Variants in ZNF385D observed in about 807,000 individuals in gnomAD.
The protein encoded by ZNF385D is zinc finger protein 659.
Under a neutral mutation model 35.8 loss-of-function variants are expected in ZNF385D, and 15 were observed. That is an observed-to-expected ratio of 0.42 (90% CI 0.28 to 0.64). The LOEUF is 0.64. Ranked by LOEUF, ZNF385D falls within the 30% of genes least tolerant of loss-of-function variation. The probability of loss-of-function intolerance (pLI) is 0.23; values close to 1 mark genes in which losing one functional copy is unlikely to be tolerated. For synonymous variants in ZNF385D, 212 were observed against 186.8 expected, an observed-to-expected ratio of 1.13 and a Z score of -1.10; for missense variants, 474 against 494.6, an observed-to-expected ratio of 0.96 and a Z score of 0.39.
At chr3:21,737,496 TAAGA>T (rs1329692958) in intron 1 of ZNF385D, among the ~76,000 whole-genome samples, 1 of 150,288 alleles carries the variant, frequency 6.7e-6, no homozygotes, top group African/African-American at 2.5e-5. Flanking sequence ...CACATACACA[TAAGA>T]TAGATAGATA....
At chr3:21,792,245 C>T (rs2071961425) in intron 3 of ZNF385D, among the ~76,000 whole-genome samples, 1 of 152,134 alleles carries the variant, frequency 6.6e-6, no homozygotes, top group South Asian at 2.1e-4. Context: ...ATGACAAAGA[C>T]ATGCTGTTCT....
intron 3 of ZNF385D, among the ~76,000 whole-genome samples, chr3:21,531,425 A>T (rs1365806659): frequency 6.6e-6 from 1 of 152,212 alleles, no homozygotes; most frequent in African/African-American, 2.4e-5. Context: ...AACGAGGTAC[A>T]AACTTATGTC....
intron 1 of ZNF385D, among the ~76,000 whole-genome samples, chr3:21,671,169 T>C (rs908285419): frequency 1.3e-5 from 2 of 152,122 alleles, no homozygotes; most frequent in African/African-American, 4.8e-5. Flanking sequence ...TCTTTCAGCA[T>C]AAATTCCTGT....
In ZNF385D at chr3:22,074,752, A is replaced by G. The variant is rs146558561; in HGVS notation, c.325+94065T>C. Among the ~76,000 whole-genome samples, 50 of 152,030 alleles carry G rather than the reference A, an allele frequency of 3.3e-4. No individual in the cohort carries two copies. In the East Asian group the frequency reaches 8.9e-3, roughly 27 times the overall value. On this transcript the variant is annotated intron_variant, in intron 3 of 5. Transcript: ENST00000494108. ...ACCCTGGTCTTCCCGACACTGTTCA[A>G]TCTTACTTGTTCCATCATCACTTTC...
intron 4 of ZNF385D, among the ~76,000 whole-genome samples, chr3:21,487,116 C>T (rs947694672): frequency 2.6e-5 from 4 of 152,054 alleles, no homozygotes; most frequent in Non-Finnish European, 2.9e-5. Context: ...TATACTTTCA[C>T]GCCATTAGAA....
intron 2 of ZNF385D, among the ~76,000 whole-genome samples, chr3:22,360,624 G>C (rs910739165): frequency 1.3e-5 from 2 of 151,948 alleles, no homozygotes; most frequent in Non-Finnish European, 1.5e-5. Context: ...GTAATGACAT[G>C]AAGTCTTAAG....
At chr3:21,862,736 C>A (rs1425320406) in intron 3 of ZNF385D, among the ~76,000 whole-genome samples, 1 of 152,138 alleles carries the variant, frequency 6.6e-6, no homozygotes, top group East Asian at 1.9e-4. Context: ...CCCAAGGGCT[C>A]CTTATAGAAG....
intron 3 of ZNF385D, among the ~76,000 whole-genome samples, chr3:21,548,358 A>G (rs1183254336): frequency 6.6e-6 from 1 of 152,170 alleles, no homozygotes. Flanking sequence ...ATTGATATCT[A>G]AGATTTTTAG....
At position 21,987,956 on chromosome 3, in the gene ZNF385D, T is replaced by G. The variant is rs71312009; in HGVS notation, c.325+180861A>C. Among the ~76,000 whole-genome samples, 222 of 144,712 alleles carry G rather than the reference T, an allele frequency of 1.5e-3. 6 individuals carry two copies. Among genetic ancestry groups the G allele is most frequent in the African/African-American group, 5.4e-3 (219 of 40,730 alleles). The allele number at this position is 144,712 out of a possible 152,430, so 94.9% of individuals were successfully genotyped here. On this transcript the variant is annotated intron_variant, in intron 3 of 5. Transcript: ENST00000494108. The stretch of plus-strand genomic sequence containing the variant: ...GCTGATACCCTTTCTTCCAGTTGAT[T>G]GCATTGGCTCCTGAAGCTTCTGCAT...
At chr3:21,636,997 T>C (rs1052982025) in intron 2 of ZNF385D, among the ~76,000 whole-genome samples, 2 of 152,130 alleles carry the variant, frequency 1.3e-5, no homozygotes, top group African/African-American at 4.8e-5. Context: ...TTCTGGATAT[T>C]AGTCCTTTGT....
intron 3 of ZNF385D, among the ~76,000 whole-genome samples, chr3:22,062,736 G>T (rs1393766192): frequency 2.6e-5 from 4 of 152,130 alleles, no homozygotes; most frequent in Admixed American, 2.6e-4. Context: ...TGTGGGAGTT[G>T]GTCATAAAAG....
chr3:22,075,732 C>G (rs1296003696), intron 3 of ZNF385D, among the ~76,000 whole-genome samples: 1 of 151,816 alleles, frequency 6.6e-6, no homozygotes, highest in Non-Finnish European at 1.5e-5. Context: ...CTACAAAAAC[C>G]CTCTCACATC....
At chr3:22,198,240 A>G (rs1325470836) in intron 2 of ZNF385D, among the ~76,000 whole-genome samples, 2 of 152,072 alleles carry the variant, frequency 1.3e-5, no homozygotes, top group Admixed American at 1.3e-4. Context: ...AAAACTTAAG[A>G]TTAAGTTTAA....
chr3:21,701,257 T>A (rs2067671904), intron 1 of ZNF385D, among the ~76,000 whole-genome samples: 1 of 151,820 alleles, frequency 6.6e-6, no homozygotes, highest in African/African-American at 2.4e-5. Context: ...CTCAGAATCA[T>A]GGCAGGAGGC....
chr3:22,304,285 G>T (rs1156411606), intron 2 of ZNF385D, among the ~76,000 whole-genome samples: 1 of 152,052 alleles, frequency 6.6e-6, no homozygotes, highest in African/African-American at 2.4e-5. Flanking sequence ...TACACTTTAT[G>T]ATTTAATAGA....
chr3:21,978,701 G>C (rs1694202371), intron 3 of ZNF385D, among the ~76,000 whole-genome samples: 1 of 152,030 alleles, frequency 6.6e-6, no homozygotes, highest in East Asian at 1.9e-4. Flanking sequence ...ATAGCTCATT[G>C]TAAATTTAAT....
At chr3:21,813,251 C>G (rs562863409) in intron 3 of ZNF385D, among the ~76,000 whole-genome samples, 2 of 152,164 alleles carry the variant, frequency 1.3e-5, no homozygotes, top group Non-Finnish European at 2.9e-5. Context: ...GAGAAACCAG[C>G]ACAGAAAAGC....
At chr3:21,805,093 G>A (rs1480282541) in intron 3 of ZNF385D, among the ~76,000 whole-genome samples, 1 of 152,192 alleles carries the variant, frequency 6.6e-6, no homozygotes, top group African/African-American at 2.4e-5. Context: ...TAAGGAAAGT[G>A]ACTCTAATTA....
intron 3 of ZNF385D, among the ~76,000 whole-genome samples, chr3:21,962,900 AAT>A (rs1434318344): frequency 6.6e-6 from 1 of 152,328 alleles, no homozygotes; most frequent in African/African-American, 2.4e-5. Context: ...CCATTACTCT[AAT>A]ATGTGAGGGC....
Sources: allele counts gnomAD v4.1 joint callset (sites outside exome capture counted in the v4.1 genomes callset), GRCh38; gene constraint gnomAD v4.1.1; transcripts MANE v1.5; gene names NCBI Gene and HGNC (gene_info 2026-07-23, HGNC 2026-07-21).